Variants in NCKAP5 observed in about 807,000 individuals in gnomAD.
The protein encoded by NCKAP5 is NCK associated protein 5, also known as nck-associated protein 5.
In NCKAP5, 92 loss-of-function variants were observed where a neutral mutation model predicts 167.0. The observed-to-expected ratio is 0.55, with a 90% CI of 0.47 to 0.66. NCKAP5 has a LOEUF of 0.66. Ranked by LOEUF, NCKAP5 falls within the 30% of genes least tolerant of loss-of-function variation. The pLI is 0.00. For missense variants in NCKAP5, 2,378 were observed against 2,315.0 expected, an observed-to-expected ratio of 1.03 and a Z score of -0.56; for synonymous variants, 891 against 877.4, an observed-to-expected ratio of 1.02 and a Z score of -0.27.
At chr2:133,061,096 AAC>A (rs2079985242) in intron 6 of NCKAP5, among the ~76,000 whole-genome samples, 2 of 151,722 alleles carry the variant, frequency 1.3e-5, no homozygotes, top group Admixed American at 1.3e-4. Context: ...ACAACAAAAA[AAC>A]CTATTTATAT....
chr2:132,938,626 A>G (rs1697035030), intron 8 of NCKAP5, among the ~76,000 whole-genome samples: 1 of 152,162 alleles, frequency 6.6e-6, no homozygotes, highest in African/African-American at 2.4e-5. Context: ...CCTTTCCAAG[A>G]CTGCTGAGGA....
At chr2:133,188,697 T>C (rs986220833) in intron 5 of NCKAP5, among the ~76,000 whole-genome samples, 1 of 151,896 alleles carries the variant, frequency 6.6e-6, no homozygotes, top group African/African-American at 2.4e-5. Context: ...GGGTACGTAA[T>C]GAAATGAAGG....
intron 6 of NCKAP5, among the ~76,000 whole-genome samples, chr2:133,072,970 T>G (rs1005030754): frequency 5.3e-5 from 8 of 152,166 alleles, no homozygotes; most frequent in Non-Finnish European, 1.0e-4. Context: ...AAAAAACTCC[T>G]GAACAAAATA....
chr2:133,553,453 C>T (rs1687517919), intron 2 of NCKAP5, among the ~76,000 whole-genome samples: 1 of 152,244 alleles, frequency 6.6e-6, no homozygotes, highest in African/African-American at 2.4e-5. Flanking sequence ...TTGGGAACCA[C>T]AACTGCAGGG....
chr2:133,094,468 C>G (rs889096310), intron 6 of NCKAP5, among the ~76,000 whole-genome samples: 1 of 152,138 alleles, frequency 6.6e-6, no homozygotes, highest in East Asian at 1.9e-4. Context: ...CTACTCTCCC[C>G]GGAAACAACT....
chr2:132,811,120 C>T lies in NCKAP5; in HGVS notation c.808-14391G>A, dbSNP rs183311904. ...CTGCACAGAGTCCTGTGAGATGAAACGTCTATGGGTCTCTCAGCCATGGAT... is the reference window on the plus strand; with the variant it reads ...CTGCACAGAGTCCTGTGAGATGAAATGTCTATGGGTCTCTCAGCCATGGAT... On this transcript the variant is annotated intron_variant, in intron 11 of 19. Coordinates refer to ENST00000409261, the MANE Select transcript of NCKAP5 (RefSeq NM_207363.3). Among the ~76,000 whole-genome samples the T allele has an allele frequency of 3.3e-5, 5 of 152,296 alleles. No homozygotes were observed. In the East Asian group the frequency reaches 7.7e-4, roughly 24 times the overall value.
the NCKAP5 span, among the ~76,000 whole-genome samples, chr2:133,627,118 G>T: frequency 1.1e-4 from 17 of 151,912 alleles, no homozygotes; most frequent in African/African-American, 3.9e-4. Context: ...TGAAATACAT[G>T]TATCTTTAAA....
At chr2:133,383,401 T>G (rs1003867175) in intron 3 of NCKAP5, among the ~76,000 whole-genome samples, 1 of 152,224 alleles carries the variant, frequency 6.6e-6, no homozygotes, top group Non-Finnish European at 1.5e-5. Flanking sequence ...GAACTCATCC[T>G]TTTTATGACT....
At chr2:133,298,534 C>T (rs1191041546) in intron 4 of NCKAP5, among the ~76,000 whole-genome samples, 4 of 152,048 alleles carry the variant, frequency 2.6e-5, no homozygotes, top group Non-Finnish European at 4.4e-5. Context: ...TATTAGCTAC[C>T]TCAAGAAAGT....
At chr2:133,564,682 G>C (rs1688420285) in intron 1 of NCKAP5, among the ~76,000 whole-genome samples, 1 of 152,182 alleles carries the variant, frequency 6.6e-6, no homozygotes, top group South Asian at 2.1e-4. Context: ...AAGGAACGTG[G>C]AAGGATTTCA....
chr2:133,535,775 C>A (rs1685713904), intron 2 of NCKAP5, among the ~76,000 whole-genome samples: 1 of 152,040 alleles, frequency 6.6e-6, no homozygotes, highest in Non-Finnish European at 1.5e-5. Flanking sequence ...AAATAGTTTC[C>A]TTTTCTCCAC....
At chr2:133,290,182 T>C (rs1434716022) in intron 4 of NCKAP5, among the ~76,000 whole-genome samples, 1 of 152,206 alleles carries the variant, frequency 6.6e-6, no homozygotes, top group African/African-American at 2.4e-5. Context: ...TAAGCCCTGA[T>C]TATGTTTGTA....
At chr2:133,064,518 G>C (rs996898551) in intron 6 of NCKAP5, among the ~76,000 whole-genome samples, 3 of 151,688 alleles carry the variant, frequency 2.0e-5, no homozygotes, top group African/African-American at 4.9e-5. Flanking sequence ...TTAAGAAAAA[G>C]TGTTAAAGAG....
intron 3 of NCKAP5, among the ~76,000 whole-genome samples, chr2:133,485,331 C>T (rs370181357): frequency 6.6e-6 from 1 of 152,136 alleles, no homozygotes; most frequent in East Asian, 1.9e-4. Flanking sequence ...AAATGTGGAA[C>T]AACAGATGGC....
chr2:133,545,459 A>G (rs981028674), intron 2 of NCKAP5, among the ~76,000 whole-genome samples: 4 of 152,134 alleles, frequency 2.6e-5, no homozygotes, highest in African/African-American at 4.8e-5. Flanking sequence ...AAACTGAAAG[A>G]CAGGTATGAC....
chr2:132,766,600 G>A (rs1370361017), intron 16 of NCKAP5, among the ~76,000 whole-genome samples: 3 of 152,114 alleles, frequency 2.0e-5, no homozygotes, highest in Admixed American at 6.5e-5. Context: ...TGTTCTATTA[G>A]GGCTTTGATA....
At chr2:132,797,124 T>G (rs576512070) in intron 11 of NCKAP5, among the ~76,000 whole-genome samples, 34 of 152,318 alleles carry the variant, frequency 2.2e-4, no homozygotes, top group Admixed American at 7.2e-4. Context: ...TGTTGAGCAG[T>G]GGTTAAAATC....
chr2:132,845,681 T>C (rs1476534508), intron 11 of NCKAP5, among the ~76,000 whole-genome samples: 1 of 152,182 alleles, frequency 6.6e-6, no homozygotes, highest in Non-Finnish European at 1.5e-5. Flanking sequence ...CTTTATAGAA[T>C]ATTTTGAAGT....
At chr2:133,319,409 C>T (rs769555036) in intron 3 of NCKAP5, among the ~76,000 whole-genome samples, 6 of 152,016 alleles carry the variant, frequency 3.9e-5, no homozygotes, top group African/African-American at 7.3e-5. Flanking sequence ...TTTTTCAGGA[C>T]GAGAGAAGTA....
Sources: gnomAD v4.1 joint callset for allele counts (sites outside exome capture counted in the v4.1 genomes callset) on GRCh38, gnomAD v4.1.1 for gene constraint, MANE v1.5 for transcripts, NCBI Gene and HGNC (gene_info 2026-07-23, HGNC 2026-07-21) for gene names.